The following RASL11A variants were observed in gnomAD, a reference collection of about 807,000 sequenced individuals.
The protein encoded by RASL11A is ras-like protein family member 11A.
In RASL11A, 14 loss-of-function variants were observed where a neutral mutation model predicts 17.1. That is an observed-to-expected ratio of 0.82 (90% CI 0.54 to 1.28). The LOEUF (loss-of-function observed/expected upper bound fraction) is 1.28. RASL11A is among the 50% of genes most tolerant of loss of function. RASL11A has a pLI of 0.00. For synonymous variants in RASL11A, 146 were observed against 132.5 expected, an observed-to-expected ratio of 1.10 and a Z score of -0.70; for missense variants, 283 against 312.3, an observed-to-expected ratio of 0.91 and a Z score of 0.71.
rs376102303 is a variant in RASL11A, at chr13:27,271,697, G to A, written c.240G>A (p.Gln80=). 50 of 1,611,526 alleles carry A rather than the reference G, an allele frequency of 3.1e-5. No individual in the cohort carries two copies. Among genetic ancestry groups the A allele is most frequent in the Non-Finnish European group, 4.2e-5 (50 of 1,179,378 alleles). Residue 80 remains glutamine (Q), a synonymous_variant, in exon 3 of 4, where the codon CAG becomes CAA. Transcript: ENST00000241463. ...VEGDQLSLQI[Q]DTPGGVQIQD... ...GGGACCAGCTCTCCCTGCAGATCCA[G>A]GATACTCCCGGGGGCGTCCAGGTAA...
At position 27,270,911 on chromosome 13, in the gene RASL11A, C is replaced by G; in HGVS notation, c.-34C>G. ...TCCGGGTGCGGCGAGGCCCAGCCCT[C>G]TCGGATTGCGCGCCGGACCCCGGGA... On this transcript the variant is annotated 5_prime_UTR_variant, in exon 1 of 4. Transcript: ENST00000241463. 6.4e-7 allele frequency: 1 copy of G among 1,563,334 alleles called. No homozygotes were observed. Among genetic ancestry groups the G allele is most frequent in the Non-Finnish European group, 8.7e-7 (1 of 1,154,760 alleles).
At position 27,273,406 on chromosome 13, in the gene RASL11A, G is replaced by A. The variant is rs766316979; in HGVS notation, c.641G>A (p.Arg214Gln). The A allele has an allele frequency of 7.4e-6, 12 of 1,614,090 alleles. No homozygotes were observed. The highest frequency in any genetic ancestry group is 4.5e-5 in the East Asian group (2 of 44,882). Residue 214 changes from arginine (R) to glutamine (Q), a missense_variant, in exon 4 of 4, where the codon CGG (arginine) becomes CAG (glutamine). Coordinates refer to ENST00000241463, the MANE Select transcript of RASL11A (RefSeq NM_206827.2). ...GERRRASIIP[R>Q]PRSPNMQDLK... Reference sequence around the variant, plus strand: ...AGAAGAAGAGCCTCCATCATCCCTCGGCCCCGCTCTCCCAACATGCAGGAC... The same window carrying A: ...AGAAGAAGAGCCTCCATCATCCCTCAGCCCCGCTCTCCCAACATGCAGGAC...
At chr13:27,271,194 T>C in intron 1 of RASL11A, 126 bp downstream of exon 1, 1 of 1,460,834 alleles carries the variant, frequency 6.8e-7, no homozygotes, top group Non-Finnish European at 9.0e-7. Context: ...ATCGGGCTGC[T>C]TTCGCGCTGG....
chr13:27,271,396 A>G, intron 1 of RASL11A, 88 bp from the exon 2 acceptor site: 3 of 1,571,870 alleles, frequency 1.9e-6, no homozygotes, highest in Admixed American at 3.3e-5. Context: ...ACGGTTCTGC[A>G]CCCTTCACTC....
At chr13:27,272,985 T>C in intron 3 of RASL11A, 42 bp from the exon 4 acceptor site, 3 of 1,540,660 alleles carry the variant, frequency 1.9e-6, no homozygotes, top group Non-Finnish European at 2.7e-6. Flanking sequence ...TATCTCCCAC[T>C]GAGGGTTTCC....
At chr13:27,272,217 C>A (rs573130691) in intron 3 of RASL11A, among the ~76,000 whole-genome samples, 5 of 152,254 alleles carry the variant, frequency 3.3e-5, no homozygotes, top group African/African-American at 4.8e-5. Flanking sequence ...TAGGTTCCAG[C>A]GATTCTCCTC....
At chr13:27,272,613 A>G (rs1882329653) in intron 3 of RASL11A, among the ~76,000 whole-genome samples, 1 of 152,228 alleles carries the variant, frequency 6.6e-6, no homozygotes, top group Admixed American at 6.5e-5. Context: ...TCTTTCTGTA[A>G]CATTCTTAAG....
rs1296571495 is a variant in RASL11A, at chr13:27,274,994, T to C, written c.*1500T>C. Among the ~76,000 whole-genome samples, 3 of 152,172 alleles carry C rather than the reference T, an allele frequency of 2.0e-5. No individual in the cohort carries two copies. Among genetic ancestry groups the C allele is most frequent in the Non-Finnish European group, 4.4e-5 (3 of 68,034 alleles). Reference sequence around the variant, plus strand: ...GCTGTGGTGGAAAGGGACTGACATATGCAGCTTCTGGCAATCACAGACCAT... The same window carrying C: ...GCTGTGGTGGAAAGGGACTGACATACGCAGCTTCTGGCAATCACAGACCAT... On this transcript the variant is annotated 3_prime_UTR_variant, in exon 4 of 4. Coordinates refer to ENST00000241463, the MANE Select transcript of RASL11A (RefSeq NM_206827.2).
chr13:27,271,100 G>A, intron 1 of RASL11A, 32 bp downstream of exon 1: 2 of 1,539,934 alleles, frequency 1.3e-6, no homozygotes, highest in Non-Finnish European at 1.8e-6. Context: ...GGGCGGCTTC[G>A]CTCCCCGGCT....
intron 3 of RASL11A, 140 bp downstream of exon 3, chr13:27,271,858 G>T: frequency 1.5e-6 from 1 of 660,238 alleles, no homozygotes; most frequent in Non-Finnish European, 2.6e-6. Flanking sequence ...GGAGGAATGG[G>T]CTGTCCACAG....
Position 27,273,223 on chromosome 13 carries a change from A to G in RASL11A, c.458A>G (p.His153Arg). Reference protein sequence around the residue: ...IIVGNKGDLLHARQVQTQDGI... With the variant: ...IIVGNKGDLLRARQVQTQDGI... ...GTGGGCAACAAGGGGGACCTTTTGC[A>G]TGCCCGGCAGGTGCAGACACAGGAC... is the stretch of plus-strand genomic sequence containing the variant. Residue 153 changes from histidine to arginine, a missense_variant, in exon 4 of 4, where the codon CAT becomes CGT. Transcript: ENST00000241463. 2.5e-6 allele frequency: 4 copies of G among 1,614,236 alleles called. No individual in the cohort carries two copies. The highest frequency in any genetic ancestry group is 3.4e-6 in the Non-Finnish European group (4 of 1,180,046).
chr13:27,271,106 C>T, intron 1 of RASL11A, 38 bp downstream of exon 1: 2 of 1,536,886 alleles, frequency 1.3e-6, no homozygotes, highest in Non-Finnish European at 1.8e-6. Flanking sequence ...CTTCGCTCCC[C>T]GGCTCCGGCC....
chr13:27,273,690 CTTTTTTTTTTT>C lies in RASL11A; in HGVS notation c.*216_*226del, dbSNP rs11304490. On this transcript the variant is annotated 3_prime_UTR_variant, in exon 4 of 4. Coordinates refer to ENST00000241463, the MANE Select transcript of RASL11A (RefSeq NM_206827.2). The stretch of plus-strand genomic sequence containing the variant: ...ATTTTGTTTTGTTTTATTAAAAGAA[CTTTTTTTTTTT>C]TTTTTTTTTTTTTTTTTTTACTGTA... The C allele has an allele frequency of 1.7e-3, 121 of 72,518 alleles. 1 individual carries two copies. Among genetic ancestry groups the C allele is most frequent in the African/African-American group, 6.9e-3 (106 of 15,374 alleles). The allele number at this position is 72,518 out of a possible 1,614,324, so 4.5% of individuals were successfully genotyped here.
chr13:27,271,112 C>T (rs1882268166), intron 1 of RASL11A, 44 bp downstream of exon 1: 3 of 1,534,112 alleles, frequency 2.0e-6, no homozygotes, highest in Non-Finnish European at 2.6e-6. Flanking sequence ...TCCCCGGCTC[C>T]GGCCGCGACC....
chr13:27,271,794 AT>A, intron 3 of RASL11A, 76 bp downstream of exon 3: 1 of 1,258,600 alleles, frequency 7.9e-7, no homozygotes, highest in Non-Finnish European at 1.1e-6. Flanking sequence ...TAGGGCGCCC[AT>A]GCTGGGCGCA....
At chr13:27,271,756 G>GT in intron 3 of RASL11A, 38 bp downstream of exon 3, 1 of 1,547,540 alleles carries the variant, frequency 6.5e-7, no homozygotes, top group Non-Finnish European at 8.8e-7. Flanking sequence ...ACCCCCACCC[G>GT]TGAGACCACC....
At position 27,273,240 on chromosome 13, in the gene RASL11A, A is replaced by G. The variant is rs1193758312; in HGVS notation, c.475A>G (p.Thr159Ala). 7 of 1,614,118 alleles carry G rather than the reference A, an allele frequency of 4.3e-6. No individual in the cohort carries two copies. Among genetic ancestry groups the G allele is most frequent in the Non-Finnish European group, 5.9e-6 (7 of 1,180,060 alleles). The change falls in exon 4 of 4, where the codon ACA becomes GCA. Residue 159 changes from threonine (T) to alanine (A), a missense_variant. Thr to Ala is a moderately conservative substitution (Grantham distance 58). Coordinates refer to ENST00000241463, the MANE Select transcript of RASL11A (RefSeq NM_206827.2). ...CCTTTTGCATGCCCGGCAGGTGCAG[A>G]CACAGGACGGTATTCAGCTAGCCAA... ...GDLLHARQVQTQDGIQLANEL... is the reference protein window; with the variant it reads ...GDLLHARQVQAQDGIQLANEL...
At chr13:27,271,113 G>T in intron 1 of RASL11A, 45 bp downstream of exon 1, 1 of 1,533,984 alleles carries the variant, frequency 6.5e-7, no homozygotes, top group South Asian at 1.2e-5. Flanking sequence ...CCCCGGCTCC[G>T]GCCGCGACCA....
Position 27,273,034 on chromosome 13 carries a change from A to G in RASL11A, c.269A>G (p.Asp90Gly), listed in dbSNP as rs1882341934. The change falls in exon 4 of 4, where the codon GAC (aspartate) becomes GGC (glycine). Residue 90 changes from aspartate to glycine, a missense_variant. Physicochemically the swap from Asp to Gly is moderately conservative, Grantham distance 94. Transcript: ENST00000241463. ...ATTTTGATGTTTTCTCAGATCCAAG[A>G]CAGCCTCCCCCAGGTCGTCGATTCC... is the stretch of plus-strand genomic sequence containing the variant. ...QDTPGGVQIQ[D>G]SLPQVVDSLS... The G allele has an allele frequency of 6.2e-7, 1 of 1,613,238 alleles. No homozygotes were observed. Among genetic ancestry groups the G allele is most frequent in the Non-Finnish European group, 8.5e-7 (1 of 1,179,294 alleles).
Sources: gnomAD v4.1 joint callset for allele counts (sites outside exome capture counted in the v4.1 genomes callset) on GRCh38, gnomAD v4.1.1 for gene constraint, MANE v1.5 for transcripts, NCBI Gene and HGNC (gene_info 2026-07-23, HGNC 2026-07-21) for gene names.